Variants in SPIDR observed in about 807,000 individuals in gnomAD.
SPIDR encodes DNA repair-scaffolding protein.
Under a neutral mutation model 104.6 loss-of-function variants are expected in SPIDR, and 93 were observed. The observed-to-expected ratio is 0.89, with a 90% CI of 0.75 to 1.06. The LOEUF (loss-of-function observed/expected upper bound fraction) is 1.06, where lower values mean the gene tolerates loss of function less well. Among genes scored for constraint, SPIDR ranks in the 50% least tolerant of loss-of-function variants. The probability of loss-of-function intolerance (pLI) is 0.00; values close to 1 mark genes in which losing one functional copy is unlikely to be tolerated. For missense variants in SPIDR, 1,154 were observed against 1,111.2 expected, an observed-to-expected ratio of 1.04 and a Z score of -0.55; for synonymous variants, 431 against 416.9, an observed-to-expected ratio of 1.03 and a Z score of -0.41.
chr8:47,588,401 A>G (rs890717976), intron 8 of SPIDR, among the ~76,000 whole-genome samples: 1 of 151,540 alleles, frequency 6.6e-6, no homozygotes, highest in Non-Finnish European at 1.5e-5. Flanking sequence ...GACAATATGT[A>G]GAAATACACC....
intron 8 of SPIDR, among the ~76,000 whole-genome samples, chr8:47,590,582 G>A (rs907409226): frequency 6.6e-6 from 1 of 152,018 alleles, no homozygotes; most frequent in Admixed American, 6.6e-5. Flanking sequence ...TGTGTCTTAT[G>A]GCACATGCAT....
intron 8 of SPIDR, among the ~76,000 whole-genome samples, chr8:47,505,762 C>T (rs1043016634): frequency 6.6e-6 from 1 of 152,206 alleles, no homozygotes; most frequent in African/African-American, 2.4e-5. Flanking sequence ...ATTTCAACTG[C>T]ACTGATCTGT....
chr8:47,717,883 C>T (rs761660711), intron 16 of SPIDR, among the ~76,000 whole-genome samples: 3 of 152,190 alleles, frequency 2.0e-5, no homozygotes, highest in Non-Finnish European at 4.4e-5. Context: ...GGAAGGAGAG[C>T]AGCACAAGAT....
intron 19 of SPIDR, chr8:47,732,468 A>C: frequency 2.2e-6 from 1 of 455,706 alleles, no homozygotes; most frequent in Non-Finnish European, 3.9e-6. Context: ...CCTTAGTATC[A>C]CCTTTTTGGG....
intron 8 of SPIDR, among the ~76,000 whole-genome samples, chr8:47,475,848 A>G (rs1037903245): frequency 2.0e-5 from 3 of 152,212 alleles, no homozygotes; most frequent in Non-Finnish European, 4.4e-5. Context: ...CAAATTTAGC[A>G]GTGGAAGAGT....
chr8:47,661,064 A>G, intron 10 of SPIDR: 3 of 605,944 alleles, frequency 5.0e-6, no homozygotes, highest in Non-Finnish European at 6.2e-6. Flanking sequence ...CCCCTGCACC[A>G]CCGTCTTATA....
chr8:47,430,209 T>G (rs1489067098), intron 7 of SPIDR, among the ~76,000 whole-genome samples: 2 of 152,206 alleles, frequency 1.3e-5, no homozygotes, highest in African/African-American at 4.8e-5. Flanking sequence ...TTTTAATCCT[T>G]AAGCTAATTT....
At chr8:47,529,169 C>A (rs1485843896) in intron 8 of SPIDR, among the ~76,000 whole-genome samples, 1 of 152,070 alleles carries the variant, frequency 6.6e-6, no homozygotes, top group Admixed American at 6.6e-5. Context: ...GGCCTGTAAT[C>A]CTAACACTTT....
intron 1 of SPIDR, among the ~76,000 whole-genome samples, chr8:47,275,295 C>G (rs767660065): frequency 1.8e-4 from 28 of 151,754 alleles, no homozygotes; most frequent in Non-Finnish European, 3.7e-4. Flanking sequence ...CCCCATAAAT[C>G]TATAAAACCT....
intron 8 of SPIDR, among the ~76,000 whole-genome samples, chr8:47,465,224 A>G (rs1277466365): frequency 1.3e-5 from 2 of 152,242 alleles, no homozygotes; most frequent in East Asian, 3.8e-4. Context: ...GGCAAGCACT[A>G]AGTATCTAAA....
At chr8:47,561,345 A>G (rs1367645624) in intron 8 of SPIDR, among the ~76,000 whole-genome samples, 1 of 152,188 alleles carries the variant, frequency 6.6e-6, no homozygotes, top group African/African-American at 2.4e-5. Context: ...ATTTAATCCC[A>G]AACCTGTTCA....
chr8:47,424,660 G>A (rs1284507838), intron 7 of SPIDR, among the ~76,000 whole-genome samples: 10 of 152,066 alleles, frequency 6.6e-5, no homozygotes, highest in Non-Finnish European at 1.5e-4. Flanking sequence ...TTGTTATACA[G>A]GAAGAGAGTA....
At chr8:47,310,786 C>T (rs2044008531) in intron 5 of SPIDR, among the ~76,000 whole-genome samples, 1 of 152,146 alleles carries the variant, frequency 6.6e-6, no homozygotes, top group Admixed American at 6.5e-5. Context: ...AAAGATATTT[C>T]ATTTGCACAA....
chr8:47,265,306 C>T (rs782368985), intron 1 of SPIDR, among the ~76,000 whole-genome samples: 1 of 149,754 alleles, frequency 6.7e-6, no homozygotes, highest in African/African-American at 2.5e-5. Context: ...CCTCCCATTT[C>T]GGCCTCCTGA....
chr8:47,566,813 T>C (rs2057914092), intron 8 of SPIDR, among the ~76,000 whole-genome samples: 1 of 152,034 alleles, frequency 6.6e-6, no homozygotes, highest in Admixed American at 6.6e-5. Flanking sequence ...CTTGTGGGGA[T>C]TGAATGGCCT....
intron 8 of SPIDR, among the ~76,000 whole-genome samples, chr8:47,555,891 C>T (rs1346260607): frequency 6.6e-6 from 1 of 152,216 alleles, no homozygotes; most frequent in East Asian, 1.9e-4. Flanking sequence ...CTTACTTTTT[C>T]ATTCATCAAG....
At chr8:47,485,206 T>TGCAAGGCTCGGAGGGTCCCAC (rs1345743072) in intron 8 of SPIDR, among the ~76,000 whole-genome samples, 6 of 152,218 alleles carry the variant, frequency 3.9e-5, no homozygotes, top group South Asian at 2.1e-4. Flanking sequence ...TTATATCCCG[T>TGCAAGGCTCGGAGGGTCCCAC]GCAAGGCTCG....
At chr8:47,261,859 A>G (rs911424449) in intron 1 of SPIDR, among the ~76,000 whole-genome samples, 3 of 152,230 alleles carry the variant, frequency 2.0e-5, no homozygotes, top group African/African-American at 7.2e-5. Context: ...CCTCTTGATT[A>G]TAAGATACAG....
intron 8 of SPIDR, among the ~76,000 whole-genome samples, chr8:47,541,978 C>T (rs1465254443): frequency 1.3e-5 from 2 of 152,046 alleles, no homozygotes; most frequent in African/African-American, 4.8e-5. Flanking sequence ...CACATGCATA[C>T]ACATACTTCT....
Sources: gnomAD v4.1 joint callset for allele counts (sites outside exome capture counted in the v4.1 genomes callset) on GRCh38, gnomAD v4.1.1 for gene constraint, MANE v1.5 for transcripts, NCBI Gene and HGNC (gene_info 2026-07-23, HGNC 2026-07-21) for gene names.